Variants in B3GALT5 observed in about 807,000 individuals in gnomAD.
B3GALT5 encodes the protein beta-1,3-galactosyltransferase 5.
For missense variants in B3GALT5, 328 were observed against 396.6 expected (o/e 0.83, Z 1.47); for synonymous variants, 156 against 158.6 (o/e 0.98, Z 0.12).
intron 2 of B3GALT5, chr21:39,657,745 C>T (rs894439149): frequency 1.3e-6 from 1 of 747,436 alleles, no homozygotes; most frequent in East Asian, 3.4e-5. Flanking sequence ...ACCTATCAAT[C>T]TTTCTATCTA....
At chr21:39,636,206 G>A (rs1268585295) in intron 1 of B3GALT5, among the ~76,000 whole-genome samples, 1 of 152,204 alleles carries the variant, frequency 6.6e-6, no homozygotes, top group Admixed American at 6.5e-5. Context: ...GAAAATGCAT[G>A]TAAAGAATTT....
intron 1 of B3GALT5, among the ~76,000 whole-genome samples, chr21:39,622,298 G>T (rs561386661): frequency 6.6e-6 from 1 of 152,120 alleles, no homozygotes; most frequent in East Asian, 1.9e-4. Flanking sequence ...AATTTTCATT[G>T]TCAAATCATT....
Position 39,662,817 on chromosome 21 carries a change from C to T in B3GALT5, c.*1325C>T, listed in dbSNP as rs1172338373. The T allele has an allele frequency of 6.0e-6, 1 of 166,974 alleles. No homozygotes were observed. The highest frequency in any genetic ancestry group is 1.5e-5 in the Non-Finnish European group (1 of 68,112). The allele number at this position is 166,974 out of a possible 1,614,324, so 10.3% of individuals were successfully genotyped here. A position where few individuals can be genotyped will look rare whatever the true frequency, so the allele number is the denominator to read the frequency against. On this transcript the variant is annotated 3_prime_UTR_variant, in exon 4 of 4. Transcript: ENST00000684187. ...TTTTTCTTTTAATTTTTTACTTTAC[C>T]AGACTTTACTTTGTACTCAGAGAAG...
chr21:39,641,646 A>G (rs934264652), intron 1 of B3GALT5, among the ~76,000 whole-genome samples: 2 of 152,192 alleles, frequency 1.3e-5, no homozygotes, highest in African/African-American at 4.8e-5. Context: ...ATCTGATCTC[A>G]GTATTTTCTA....
At chr21:39,641,144 T>C (rs1399485742) in intron 1 of B3GALT5, among the ~76,000 whole-genome samples, 3 of 152,160 alleles carry the variant, frequency 2.0e-5, no homozygotes, top group Non-Finnish European at 2.9e-5. Flanking sequence ...TGCCAAAAAG[T>C]AGTTTGCCAT....
At chr21:39,625,076 C>G (rs550374599) in intron 1 of B3GALT5, among the ~76,000 whole-genome samples, 1 of 152,228 alleles carries the variant, frequency 6.6e-6, no homozygotes, top group Admixed American at 6.5e-5. Context: ...ATATTACACA[C>G]ACACTTTTTC....
In B3GALT5 at chr21:39,661,741, G is replaced by A; in HGVS notation, c.*249G>A. On this transcript the variant is annotated 3_prime_UTR_variant, in exon 4 of 4. Coordinates refer to ENST00000684187, the MANE Select transcript of B3GALT5 (RefSeq NM_001356336.2). The surrounding 1 kb of genome is among the most constrained non-coding windows in gnomAD (Gnocchi z 4.7). ...ATACACCTGGATTTTTGCATTTCAG[G>A]GGTCAGTATCCTATGACATGATGGG... 2 of 388,978 alleles carry A rather than the reference G, an allele frequency of 5.1e-6. No individual in the cohort carries two copies. The highest frequency in any genetic ancestry group is 9.5e-6 in the Non-Finnish European group (2 of 209,454). 24.1% of individuals were successfully genotyped at this position (388,978 alleles called of 1,614,324 possible).
rs1321173261 is a variant in B3GALT5 at position 39,661,568 on chromosome 21, G to A, written c.*76G>A. The A allele has an allele frequency of 1.3e-5, 17 of 1,359,184 alleles. No homozygotes were observed. The highest frequency in any genetic ancestry group is 3.9e-6 in the Non-Finnish European group (4 of 1,022,510). 84.2% of individuals were successfully genotyped at this position (1,359,184 alleles called of 1,614,324 possible). On this transcript the variant is annotated 3_prime_UTR_variant, in exon 4 of 4. Coordinates refer to ENST00000684187, the MANE Select transcript of B3GALT5 (RefSeq NM_001356336.2). The surrounding 1 kb of genome is among the most constrained non-coding windows in gnomAD (Gnocchi z 4.7). ...GTTTTTGCTAGATTTTGGAAGAGGGGGCGGGACAGAGGATGCTGTTCTTCA... is the reference window on the plus strand; with the variant it reads ...GTTTTTGCTAGATTTTGGAAGAGGGAGCGGGACAGAGGATGCTGTTCTTCA...
intron 1 of B3GALT5, among the ~76,000 whole-genome samples, chr21:39,639,683 T>G (rs775578731): frequency 2.5e-4 from 38 of 151,800 alleles, no homozygotes; most frequent in Non-Finnish European, 4.4e-4. Flanking sequence ...TTTCACCATA[T>G]TGGTCAGGCT....
rs917709196 is a variant in B3GALT5 at position 39,661,850 on chromosome 21, A to G, written c.*358A>G. On this transcript the variant is annotated 3_prime_UTR_variant, in exon 4 of 4. Transcript: ENST00000684187. This position sits in a 1 kb window ranked among gnomAD's most constrained non-coding sequence, Gnocchi z 4.7. ...GTCCCAAGGCTCACAGCCAGTAGGC[A>G]TAGGAGCGGGAATGAAAATCGAGCA... 1.1e-5 allele frequency: 2 copies of G among 190,382 alleles called. No homozygotes were observed. The highest frequency in any genetic ancestry group is 2.3e-3 in the Middle Eastern group (1 of 430). 11.8% of individuals were successfully genotyped at this position (190,382 alleles called of 1,614,324 possible). A position where few individuals can be genotyped will look rare whatever the true frequency, so the allele number is the denominator to read the frequency against.
At chr21:39,657,916 A>G (rs1404248964) in intron 2 of B3GALT5, 1 of 1,231,494 alleles carries the variant, frequency 8.1e-7, no homozygotes, top group Non-Finnish European at 1.0e-6. Flanking sequence ...TAGCACAGAT[A>G]GTGCCTGTTC....
intron 1 of B3GALT5, among the ~76,000 whole-genome samples, chr21:39,634,675 G>A (rs1199556789): frequency 1.3e-5 from 2 of 152,058 alleles, no homozygotes; most frequent in Admixed American, 1.3e-4. Flanking sequence ...AACCCTCCCC[G>A]ATCAGTGCCT....
rs538500465 is a variant in B3GALT5, at chr21:39,666,074, T to C, written c.*4582T>C. 6.6e-6 allele frequency: 1 copy of C among 152,262 alleles called. No homozygotes were observed. The highest frequency in any genetic ancestry group is 1.5e-5 in the Non-Finnish European group (1 of 68,044). 9.4% of individuals were successfully genotyped at this position (152,262 alleles called of 1,614,324 possible). A position where few individuals can be genotyped will look rare whatever the true frequency, so the allele number is the denominator to read the frequency against. On this transcript the variant is annotated 3_prime_UTR_variant, in exon 4 of 4. Coordinates refer to ENST00000684187, the MANE Select transcript of B3GALT5 (RefSeq NM_001356336.2). ...GAAAAAAAAGAAATATTTTTCAAAGTAAGCCAACACTGTGGTTTCACTTGA... is the reference window on the plus strand; with the variant it reads ...GAAAAAAAAGAAATATTTTTCAAAGCAAGCCAACACTGTGGTTTCACTTGA...
Position 39,662,548 on chromosome 21 carries a change from G to T in B3GALT5, c.*1056G>T, listed in dbSNP as rs2079539007. On this transcript the variant is annotated 3_prime_UTR_variant, in exon 4 of 4. Transcript: ENST00000684187. ...AAGTGGGCCCTGGTGAAGCAGGGTGGTCCTGCGTCCACTTCCCAAGCCTGA... is the reference window on the plus strand; with the variant it reads ...AAGTGGGCCCTGGTGAAGCAGGGTGTTCCTGCGTCCACTTCCCAAGCCTGA... 1 of 167,144 alleles carries T rather than the reference G, an allele frequency of 6.0e-6. No homozygotes were observed. Among genetic ancestry groups the T allele is most frequent in the Non-Finnish European group, 1.5e-5 (1 of 68,132 alleles). 10.4% of individuals were successfully genotyped at this position (167,144 alleles called of 1,614,324 possible). A position where few individuals can be genotyped will look rare whatever the true frequency, so the allele number is the denominator to read the frequency against.
chr21:39,616,083 C>T (rs901554203), intron 1 of B3GALT5, among the ~76,000 whole-genome samples: 1 of 151,930 alleles, frequency 6.6e-6, no homozygotes, highest in African/African-American at 2.4e-5. Context: ...AATTTTGGTC[C>T]CTGTCTTTTT....
At position 39,660,843 on chromosome 21, in the gene B3GALT5, T is replaced by C; in HGVS notation, c.284T>C (p.Phe95Ser). The change falls in exon 4 of 4, where the codon TTC becomes TCC. Residue 95 changes from phenylalanine to serine, a missense_variant. Phe to Ser is a radical substitution (Grantham distance 155). Coordinates refer to ENST00000684187, the MANE Select transcript of B3GALT5 (RefSeq NM_001356336.2). ...MVKGKQLKTF[F>S]LLGTTSSAAE... is the part of the protein sequence containing the mutation. Reference sequence around the variant, plus strand: ...AAGGGAAAGCAGCTGAAGACATTCTTCCTCCTGGGGACCACCAGCAGTGCA... The same window carrying C: ...AAGGGAAAGCAGCTGAAGACATTCTCCCTCCTGGGGACCACCAGCAGTGCA... The C allele has an allele frequency of 6.2e-7, 1 of 1,609,374 alleles. No homozygotes were observed. The highest frequency in any genetic ancestry group is 8.5e-7 in the Non-Finnish European group (1 of 1,177,860).
chr21:39,631,567 G>A (rs1602263361), intron 1 of B3GALT5, among the ~76,000 whole-genome samples: 1 of 152,234 alleles, frequency 6.6e-6, no homozygotes, highest in Middle Eastern at 3.4e-3. Flanking sequence ...ATGAATTTTA[G>A]GGGAACATAA....
At position 39,660,836 on chromosome 21, in the gene B3GALT5, A is replaced by G. The variant is rs1022159291; in HGVS notation, c.277A>G (p.Thr93Ala). The G allele has an allele frequency of 1.9e-6, 3 of 1,608,166 alleles. No homozygotes were observed. The highest frequency in any genetic ancestry group is 2.2e-5 in the East Asian group (1 of 44,832). The change falls in exon 4 of 4, where the codon ACA (threonine) becomes GCA (alanine). Residue 93 changes from threonine to alanine, a missense_variant. By Grantham distance (58) the Thr-to-Ala change is moderately conservative. Coordinates refer to ENST00000684187, the MANE Select transcript of B3GALT5 (RefSeq NM_001356336.2). ...ERMVKGKQLK[T>A]FFLLGTTSSA... ...GATGGTGAAGGGAAAGCAGCTGAAG[A>G]CATTCTTCCTCCTGGGGACCACCAG...
At chr21:39,639,466 C>CTTTTTT (rs2079271592) in intron 1 of B3GALT5, among the ~76,000 whole-genome samples, 1 of 95,154 alleles carries the variant, frequency 1.1e-5, no homozygotes, top group Non-Finnish European at 2.2e-5. Flanking sequence ...TTTTCTTTCT[C>CTTTTTT]TCTCTCTCTC....
Sources: allele counts gnomAD v4.1 joint callset (sites outside exome capture counted in the v4.1 genomes callset), GRCh38; gene constraint gnomAD v4.1.1; non-coding constraint Gnocchi (gnomAD v3.1); transcripts MANE v1.5; gene names NCBI Gene and HGNC (gene_info 2026-07-23, HGNC 2026-07-21).